The following NCAM2 variants were observed in gnomAD, a reference collection of about 807,000 sequenced individuals.
NCAM2 encodes the protein N-CAM-2.
In NCAM2, 30 loss-of-function variants were observed where a neutral mutation model predicts 98.1. The observed-to-expected ratio is 0.31, with a 90% CI of 0.23 to 0.41. The LOEUF is 0.41. Ranked by LOEUF, NCAM2 falls within the 10% of genes least tolerant of loss-of-function variation. NCAM2 has a pLI of 1.00. For missense variants in NCAM2, 867 were observed against 1,005.8 expected (o/e 0.86, Z 1.87); for synonymous variants, 368 against 342.4 (o/e 1.07, Z -0.83).
At chr21:21,277,107 T>C (rs2072756099) in intron 1 of NCAM2, among the ~76,000 whole-genome samples, 1 of 152,132 alleles carries the variant, frequency 6.6e-6, no homozygotes, top group Non-Finnish European at 1.5e-5. Context: ...AGGCATTAAG[T>C]AATAATTCAC....
chr21:21,403,957 CTATT>C (rs1247111138), intron 9 of NCAM2, among the ~76,000 whole-genome samples: 11 of 152,034 alleles, frequency 7.2e-5, no homozygotes, highest in South Asian at 2.1e-4. Context: ...AATAAAGTCA[CTATT>C]TAAGGGGTCA....
chr21:21,087,453 A>G (rs8131586), intron 1 of NCAM2, among the ~76,000 whole-genome samples: 35,539 of 151,958 alleles, frequency 0.23, 4,805 homozygotes, highest in African/African-American at 0.37. Context: ...ACAGCTCTTT[A>G]TCCTCCTGGG....
At chr21:21,261,026 T>C (rs575164370) in intron 1 of NCAM2, among the ~76,000 whole-genome samples, 134 of 150,560 alleles carry the variant, frequency 8.9e-4, no homozygotes, top group Non-Finnish European at 1.3e-3. Context: ...CACACAAATG[T>C]AAAACAAAAA....
chr21:21,000,722 G>T (rs566213387), intron 1 of NCAM2, among the ~76,000 whole-genome samples: 49 of 152,114 alleles, frequency 3.2e-4, no homozygotes, highest in African/African-American at 1.1e-3. Flanking sequence ...TCAGAGAGAC[G>T]TAGCTTTTGT....
chr21:21,415,431 G>A (rs942007446), intron 10 of NCAM2, among the ~76,000 whole-genome samples: 1 of 147,668 alleles, frequency 6.8e-6, no homozygotes, highest in Non-Finnish European at 1.5e-5. Context: ...TGCCTCCCGG[G>A]TTCACACCGT....
chr21:21,203,720 T>A (rs1436321808), intron 1 of NCAM2, among the ~76,000 whole-genome samples: 1 of 152,190 alleles, frequency 6.6e-6, no homozygotes, highest in Non-Finnish European at 1.5e-5. Context: ...ACAGTGTAAG[T>A]AATTAAAATA....
intron 1 of NCAM2, among the ~76,000 whole-genome samples, chr21:21,265,282 T>C (rs1251177385): frequency 2.3e-5 from 3 of 130,268 alleles, no homozygotes; most frequent in Non-Finnish European, 4.8e-5. Flanking sequence ...TATGTACACA[T>C]ATGTGTGTAT....
chr21:21,242,338 G>A (rs761692628), intron 1 of NCAM2, among the ~76,000 whole-genome samples: 6 of 152,122 alleles, frequency 3.9e-5, no homozygotes, highest in Admixed American at 1.3e-4. Context: ...TTTTTTTGTA[G>A]TGAAAACATT....
At chr21:21,128,292 C>A (rs991146810) in intron 1 of NCAM2, among the ~76,000 whole-genome samples, 2 of 151,458 alleles carry the variant, frequency 1.3e-5, no homozygotes, top group African/African-American at 4.9e-5. Context: ...AAGATAAAGT[C>A]TCTCTTTACT....
At chr21:21,446,321 C>A (rs978563524) in intron 12 of NCAM2, among the ~76,000 whole-genome samples, 2 of 151,944 alleles carry the variant, frequency 1.3e-5, no homozygotes, top group African/African-American at 4.8e-5. Context: ...GGTTGACCTT[C>A]TTGCGGAGTA....
chr21:21,344,567 G>C (rs759605137), intron 8 of NCAM2, among the ~76,000 whole-genome samples: 2 of 152,086 alleles, frequency 1.3e-5, no homozygotes, highest in African/African-American at 4.8e-5. Context: ...GGAAGAGGGG[G>C]AAGAACTGAA....
chr21:21,021,550 TTGTTA>T (rs993871852), intron 1 of NCAM2, among the ~76,000 whole-genome samples: 1 of 152,168 alleles, frequency 6.6e-6, no homozygotes, highest in African/African-American at 2.4e-5. Flanking sequence ...TCAACGGTGA[TTGTTA>T]TGTTTATAAA....
chr21:21,324,701 T>G (rs1284546790), intron 6 of NCAM2, among the ~76,000 whole-genome samples: 1 of 152,098 alleles, frequency 6.6e-6, no homozygotes, highest in African/African-American at 2.4e-5. Flanking sequence ...GCTCTAATAT[T>G]CTGAGTCAAA....
intron 8 of NCAM2, among the ~76,000 whole-genome samples, chr21:21,373,115 C>T (rs1335784867): frequency 6.6e-6 from 1 of 151,742 alleles, no homozygotes; most frequent in East Asian, 1.9e-4. Context: ...ATGTAAATTT[C>T]ACTATAACAT....
intron 1 of NCAM2, among the ~76,000 whole-genome samples, chr21:21,138,171 T>G (rs1454913066): frequency 3.3e-5 from 5 of 152,172 alleles, no homozygotes; most frequent in Non-Finnish European, 7.3e-5. Context: ...CAGTTCACAT[T>G]CCCTAAGTGT....
At chr21:21,216,177 C>G (rs557746344) in intron 1 of NCAM2, among the ~76,000 whole-genome samples, 1 of 152,152 alleles carries the variant, frequency 6.6e-6, no homozygotes, top group Admixed American at 6.5e-5. Flanking sequence ...TTCTGGGCAA[C>G]AGGAAAATAT....
At chr21:21,468,872 G>T (rs1984068196) in intron 14 of NCAM2, 89 bp downstream of exon 14, 2 of 1,136,772 alleles carry the variant, frequency 1.8e-6, no homozygotes, top group African/African-American at 3.2e-5. Flanking sequence ...AGGAGAGAAT[G>T]TGTATTTAGT....
chr21:21,287,034 A>G (rs2073127505), intron 4 of NCAM2, among the ~76,000 whole-genome samples: 1 of 151,954 alleles, frequency 6.6e-6, no homozygotes, highest in African/African-American at 2.4e-5. Flanking sequence ...ACTTTCATTC[A>G]AATTGTCTTC....
At chr21:21,515,740 A>G (rs560215055) in intron 16 of NCAM2, among the ~76,000 whole-genome samples, 2 of 152,294 alleles carry the variant, frequency 1.3e-5, no homozygotes, top group East Asian at 3.9e-4. Context: ...ACTAATACTG[A>G]TAAGACACTA....
Sources: allele counts gnomAD v4.1 joint callset (sites outside exome capture counted in the v4.1 genomes callset), GRCh38; gene constraint gnomAD v4.1.1; transcripts MANE v1.5; gene names NCBI Gene and HGNC (gene_info 2026-07-23, HGNC 2026-07-21).